FNTA: variants seen among roughly 807,000 people sequenced by gnomAD.
The protein encoded by FNTA is farnesyltransferase, CAAX box, subunit alpha, also known as protein farnesyltransferase/geranylgeranyltransferase type-1 subunit alpha.
In FNTA, 27 loss-of-function variants were observed where a neutral mutation model predicts 55.2. That is an observed-to-expected ratio of 0.49 (90% confidence interval 0.36 to 0.67). The LOEUF is 0.67. FNTA is among the 30% of genes least tolerant of loss of function. The probability of loss-of-function intolerance (pLI) is 0.00; values close to 1 mark genes in which losing one functional copy is unlikely to be tolerated. For synonymous variants in FNTA, 176 were observed against 170.7 expected, an observed-to-expected ratio of 1.03 and a Z score of -0.24; for missense variants, 422 against 464.7, an observed-to-expected ratio of 0.91 and a Z score of 0.85.
At chr8:43,057,622 A>G (rs1392878933) in intron 1 of FNTA, among the ~76,000 whole-genome samples, 1 of 152,220 alleles carries the variant, frequency 6.6e-6, no homozygotes, top group Non-Finnish European at 1.5e-5. Flanking sequence ...TGGATGCCAC[A>G]GAATCTCTGC....
intron 2 of FNTA, among the ~76,000 whole-genome samples, chr8:43,063,508 TTAA>T (rs34796665): frequency 0.047 from 7,209 of 152,268 alleles, 225 homozygotes; most frequent in South Asian, 0.081. Context: ...TACACTATCT[TTAA>T]TAATGTACGA....
chr8:43,076,805 A>G (rs1246953740), intron 5 of FNTA: 1 of 152,572 alleles, frequency 6.6e-6, no homozygotes, highest in Non-Finnish European at 1.5e-5. Context: ...TGAACCCAGG[A>G]AGTGGAGGTT....
chr8:43,057,234 A>G (rs953041557), intron 1 of FNTA: 2 of 152,184 alleles, frequency 1.3e-5, no homozygotes, highest in Non-Finnish European at 2.9e-5. Flanking sequence ...TTGCTTTCAG[A>G]TGGTAATGTT....
chr8:43,062,315 C>T (rs1444042174), intron 2 of FNTA, among the ~76,000 whole-genome samples: 1 of 151,666 alleles, frequency 6.6e-6, no homozygotes, highest in African/African-American at 2.4e-5. Flanking sequence ...GACTTTCGCT[C>T]TTGTTGCACA....
chr8:43,065,903 G>A (rs1271215231), intron 3 of FNTA, among the ~76,000 whole-genome samples: 2 of 151,418 alleles, frequency 1.3e-5, no homozygotes, highest in Non-Finnish European at 2.9e-5. Context: ...TAATAAAATT[G>A]TAGATTGGAA....
intron 5 of FNTA, among the ~76,000 whole-genome samples, chr8:43,072,878 G>A (rs35441746): frequency 0.048 from 7,243 of 152,156 alleles, 227 homozygotes; most frequent in South Asian, 0.081. Flanking sequence ...ATAAAGAGTA[G>A]CATATTTTTA....
chr8:43,076,019 G>A (rs1428451062), intron 5 of FNTA, among the ~76,000 whole-genome samples: 2 of 151,604 alleles, frequency 1.3e-5, no homozygotes, highest in Non-Finnish European at 1.5e-5. Flanking sequence ...CATGTGCCAC[G>A]ATGCCCGACT....
chr8:43,071,707 A>C (rs577915759), intron 4 of FNTA, among the ~76,000 whole-genome samples: 26 of 151,582 alleles, frequency 1.7e-4, no homozygotes, highest in African/African-American at 4.4e-4. Flanking sequence ...AAAAAAAAAA[A>C]AAAACAAAAA....
chr8:43,069,654 A>G lies in FNTA; in HGVS notation c.501A>G (p.Gln167=), dbSNP rs147010452. The G allele has an allele frequency of 4.2e-5, 67 of 1,600,806 alleles. No individual in the cohort carries two copies. The African/African-American group carries it at 8.6e-4, about 20-fold the overall frequency. ...TTGAGGAGCAGCCCAAAAACTATCA[A>G]GTTTGGTAAGTTTGGAGTCTAGCTG... is the stretch of plus-strand genomic sequence containing the variant. ...AIIEEQPKNY[Q]VWHHRRVLVE... The change falls in exon 4 of 9, where the codon CAA becomes CAG. Residue 167 remains glutamine (Q), a synonymous_variant. Transcript: ENST00000302279.
At chr8:43,079,586 A>C (rs1212335250) in intron 6 of FNTA, 1 of 152,268 alleles carries the variant, frequency 6.6e-6, no homozygotes, top group African/African-American at 2.4e-5. Flanking sequence ...CAAGAGCTCT[A>C]ATGGAGATGT....
In FNTA at chr8:43,077,331, A is replaced by G; in HGVS notation, c.749A>G (p.Tyr250Cys). 6.2e-7 allele frequency: 1 copy of G among 1,612,956 alleles called. No homozygotes were observed. Residue 250 changes from tyrosine to cysteine, a missense_variant, in exon 6 of 9, where the codon TAC becomes TGC. Tyr to Cys is a radical substitution (Grantham distance 194, BLOSUM62 -2). Around this residue, in one of 2 missense-constraint regions of FNTA, gnomAD observed 262 missense variants for 343.1 expected, o/e 0.76. Coordinates refer to ENST00000302279, the MANE Select transcript of FNTA (RefSeq NM_002027.3). ...TTCGTTATTTCTAACACCACTGGCTACAATGATCGTGCTGTATTGGAGAGA... is the reference window on the plus strand; with the variant it reads ...TTCGTTATTTCTAACACCACTGGCTGCAATGATCGTGCTGTATTGGAGAGA... ...RYFVISNTTG[Y>C]NDRAVLEREV...
At chr8:43,074,197 C>A (rs913306536) in intron 5 of FNTA, among the ~76,000 whole-genome samples, 3 of 152,138 alleles carry the variant, frequency 2.0e-5, no homozygotes, top group Admixed American at 6.6e-5. Flanking sequence ...TCATGTATAT[C>A]TCATTTATAT....
chr8:43,073,641 G>A (rs1810846076), intron 5 of FNTA: 1 of 151,806 alleles, frequency 6.6e-6, no homozygotes, highest in Admixed American at 6.6e-5. Context: ...TTAAGAACAG[G>A]TTTTCTCTGC....
intron 1 of FNTA, among the ~76,000 whole-genome samples, chr8:43,057,726 G>T (rs1394935449): frequency 1.3e-5 from 2 of 152,192 alleles, no homozygotes; most frequent in African/African-American, 4.8e-5. Context: ...GGGAGGCCGA[G>T]GCGGGCGGAT....
intron 3 of FNTA, 21 bp downstream of exon 3, chr8:43,064,236 G>A: frequency 7.3e-7 from 1 of 1,375,172 alleles, no homozygotes; most frequent in Non-Finnish European, 1.0e-6. Context: ...CACATCATCA[G>A]TATTCCCTGC....
chr8:43,061,143 G>A (rs1044063360), intron 2 of FNTA, among the ~76,000 whole-genome samples: 5 of 152,154 alleles, frequency 3.3e-5, no homozygotes, highest in African/African-American at 7.2e-5. Flanking sequence ...GGGATTTTTC[G>A]AATGTTTAGC....
chr8:43,063,172 C>T, intron 2 of FNTA: 1 of 440,480 alleles, frequency 2.3e-6, no homozygotes, highest in South Asian at 1.6e-5. Context: ...CCTTGACCTC[C>T]CAGGCTCAAG....
chr8:43,083,556 T>A (rs886320027), intron 7 of FNTA, among the ~76,000 whole-genome samples: 2 of 152,174 alleles, frequency 1.3e-5, no homozygotes, highest in Non-Finnish European at 2.9e-5. Context: ...AACCTTTCTG[T>A]TTTCATTTCT....
chr8:43,058,213 A>G (rs926290129), intron 1 of FNTA, among the ~76,000 whole-genome samples: 2 of 152,132 alleles, frequency 1.3e-5, no homozygotes, highest in Non-Finnish European at 2.9e-5. Context: ...GATTTTATAA[A>G]TGGTGAAACT....
Sources: gnomAD v4.1 joint callset for allele counts (sites outside exome capture counted in the v4.1 genomes callset) on GRCh38, gnomAD v4.1.1 for gene constraint, gnomAD v4.1.1 regional missense constraint, MANE v1.5 for transcripts, NCBI Gene and HGNC (gene_info 2026-07-23, HGNC 2026-07-21) for gene names.